Variants in DCLK2 observed in about 807,000 individuals in gnomAD.
The protein encoded by DCLK2 is doublecortin like kinase 2.
A neutral mutation model predicts 78.4 loss-of-function variants in DCLK2; 31 were observed. That is an observed-to-expected ratio of 0.40 (90% CI 0.30 to 0.53). The LOEUF is 0.53. Ranked by LOEUF, DCLK2 falls within the 20% of genes least tolerant of loss-of-function variation. The pLI is 0.61. For synonymous variants in DCLK2, 407 were observed against 374.9 expected, an observed-to-expected ratio of 1.09 and a Z score of -0.99; for missense variants, 872 against 973.7, an observed-to-expected ratio of 0.90 and a Z score of 1.39.
chr4:150,125,929 T>C (rs1017203161), intron 2 of DCLK2, among the ~76,000 whole-genome samples: 3 of 151,488 alleles, frequency 2.0e-5, no homozygotes, highest in Admixed American at 6.6e-5. Flanking sequence ...AAAATAGTTA[T>C]GCATGTAGAC....
chr4:150,142,080 T>G (rs1199621263), intron 2 of DCLK2, among the ~76,000 whole-genome samples: 2 of 152,212 alleles, frequency 1.3e-5, no homozygotes, highest in Non-Finnish European at 2.9e-5. Context: ...CTGATTTTTT[T>G]GTTAGTAATA....
At chr4:150,253,270 TG>T (rs765898172) in intron 15 of DCLK2, 1 of 572,256 alleles carries the variant, frequency 1.7e-6, no homozygotes, top group East Asian at 5.4e-5. Context: ...CAGATACAAA[TG>T]ATAGTGGAAA....
intron 2 of DCLK2, among the ~76,000 whole-genome samples, chr4:150,186,372 G>A (rs1737936421): frequency 6.6e-6 from 1 of 152,150 alleles, no homozygotes; most frequent in South Asian, 2.1e-4. Flanking sequence ...AATTATCTTA[G>A]TGTCCAAACA....
chr4:150,254,520 C>A (rs570678874), intron 15 of DCLK2: 12 of 398,634 alleles, frequency 3.0e-5, no homozygotes, highest in East Asian at 2.8e-4. Flanking sequence ...GGAGAAATAA[C>A]GGGGGGATTG....
intron 15 of DCLK2, chr4:150,253,961 G>T (rs1744371728): frequency 8.4e-6 from 8 of 955,126 alleles, no homozygotes; most frequent in Non-Finnish European, 1.0e-5. Context: ...CCAGCCTTTG[G>T]GATAAGAGAA....
At chr4:150,253,758 C>T in intron 15 of DCLK2, 1 of 985,462 alleles carries the variant, frequency 1.0e-6, no homozygotes, top group Non-Finnish European at 1.2e-6. Context: ...TACCACACTG[C>T]CTGCCTTTCC....
chr4:150,160,347 G>C (rs1460316778), intron 2 of DCLK2, among the ~76,000 whole-genome samples: 3 of 152,100 alleles, frequency 2.0e-5, no homozygotes, highest in Non-Finnish European at 2.9e-5. Flanking sequence ...AGTGCTTTAA[G>C]AGCAGCATTT....
At chr4:150,083,633 A>G (rs1425656051) in intron 1 of DCLK2, among the ~76,000 whole-genome samples, 1 of 152,240 alleles carries the variant, frequency 6.6e-6, no homozygotes, top group Non-Finnish European at 1.5e-5. Flanking sequence ...TTATAATAAT[A>G]GAAACTGTGG....
At chr4:150,098,568 A>G (rs1730632318) in intron 1 of DCLK2, among the ~76,000 whole-genome samples, 1 of 152,114 alleles carries the variant, frequency 6.6e-6, no homozygotes, top group South Asian at 2.1e-4. Flanking sequence ...TTATGGTTAC[A>G]TGGGTGAATT....
chr4:150,240,243 T>C (rs1017741905), intron 11 of DCLK2, among the ~76,000 whole-genome samples, 156 bp from the exon 12 acceptor site: 3 of 152,220 alleles, frequency 2.0e-5, no homozygotes, highest in Non-Finnish European at 4.4e-5. Flanking sequence ...AGATGCCTTT[T>C]TCTAAAGTGT....
At chr4:150,184,039 G>C (rs1344256068) in intron 2 of DCLK2, among the ~76,000 whole-genome samples, 1 of 152,054 alleles carries the variant, frequency 6.6e-6, no homozygotes, top group Non-Finnish European at 1.5e-5. Context: ...CAGCCTCAAG[G>C]CATTTCAATC....
At chr4:150,190,429 A>G (rs1424963857) in intron 2 of DCLK2, among the ~76,000 whole-genome samples, 2 of 152,202 alleles carry the variant, frequency 1.3e-5, no homozygotes, top group African/African-American at 2.4e-5. Context: ...GAAAAAATGA[A>G]CAAAATATTA....
intron 1 of DCLK2, 35 bp downstream of exon 1, chr4:150,079,483 G>T: frequency 6.9e-7 from 1 of 1,444,730 alleles, no homozygotes; most frequent in South Asian, 1.5e-5. Context: ...CAGGTGCGGC[G>T]GAGCGCCGGC....
At chr4:150,240,766 A>G (rs1742866333) in intron 12 of DCLK2, among the ~76,000 whole-genome samples, 1 of 81,150 alleles carries the variant, frequency 1.2e-5, no homozygotes, top group Middle Eastern at 7.2e-3. Context: ...AAAAAAAGAA[A>G]AAGAAAAAAA....
chr4:150,220,893 ATCACCTG>A lies in DCLK2; in HGVS notation c.1132+119_1132+125del. On this transcript the variant is annotated intron_variant, in intron 6 of 15. Coordinates refer to ENST00000296550, the MANE Select transcript of DCLK2 (RefSeq NM_001040260.4). Reference sequence around the variant, plus strand: ...TCTTCCTAAAGAGGGATGTGATCACATCACCTGTCAGCCCCTTTGGCCTTAGTAAGAG... The same window carrying A: ...TCTTCCTAAAGAGGGATGTGATCACATCAGCCCCTTTGGCCTTAGTAAGAG... 3 of 797,998 alleles carry A rather than the reference ATCACCTG, an allele frequency of 3.8e-6. No individual in the cohort carries two copies. The South Asian group carries it at 5.5e-5, about 15-fold the overall frequency. The allele number at this position is 797,998 out of a possible 1,614,324, so 49.4% of individuals were successfully genotyped here.
intron 10 of DCLK2, among the ~76,000 whole-genome samples, chr4:150,237,848 A>G (rs551022609): frequency 2.0e-5 from 3 of 152,254 alleles, no homozygotes; most frequent in Non-Finnish European, 2.9e-5. Context: ...AAAAATAGAA[A>G]CAGGCATTAC....
chr4:150,172,549 G>A (rs1191828600), intron 2 of DCLK2, among the ~76,000 whole-genome samples: 1 of 145,162 alleles, frequency 6.9e-6, no homozygotes, highest in African/African-American at 2.6e-5. Flanking sequence ...GGAGCTTGCA[G>A]TGAGCCGAGA....
At chr4:150,145,321 A>G (rs1463809731) in intron 2 of DCLK2, among the ~76,000 whole-genome samples, 3 of 152,206 alleles carry the variant, frequency 2.0e-5, no homozygotes, top group Non-Finnish European at 2.9e-5. Flanking sequence ...TTAAGGGAGC[A>G]AACTATGGAG....
chr4:150,254,554 T>C, intron 15 of DCLK2: 1 of 398,338 alleles, frequency 2.5e-6, no homozygotes. Flanking sequence ...AGGAGACATT[T>C]TGTGGTAGGA....
Sources: gnomAD v4.1 joint callset for allele counts (sites outside exome capture counted in the v4.1 genomes callset) on GRCh38, gnomAD v4.1.1 for gene constraint, MANE v1.5 for transcripts, NCBI Gene and HGNC (gene_info 2026-07-23, HGNC 2026-07-21) for gene names.